Variants in GARNL3 observed in about 807,000 individuals in gnomAD.
The protein encoded by GARNL3 is GTPase-activating Rap/Ran-GAP domain-like protein 3.
Under a neutral mutation model 125.0 loss-of-function variants are expected in GARNL3, and 63 were observed. The observed-to-expected ratio is 0.50, with a 90% CI of 0.41 to 0.62. GARNL3 has a LOEUF of 0.62. GARNL3 is among the 20% of genes least tolerant of loss of function. The pLI, the probability that GARNL3 is intolerant of heterozygous loss-of-function variation, is 0.00. For missense variants in GARNL3, 994 were observed against 1,244.0 expected, an observed-to-expected ratio of 0.80 and a Z score of 3.02; for synonymous variants, 439 against 457.5, an observed-to-expected ratio of 0.96 and a Z score of 0.52.
At chr9:127,383,570 C>G in intron 23 of GARNL3, 25 bp downstream of exon 23, 1 of 1,460,196 alleles carries the variant, frequency 6.8e-7, no homozygotes, top group Non-Finnish European at 9.5e-7. Context: ...TATCATAATG[C>G]TTTTCTCCTT....
intron 1 of GARNL3, among the ~76,000 whole-genome samples, chr9:127,283,852 G>A (rs952253203): frequency 5.3e-5 from 8 of 152,166 alleles, no homozygotes; most frequent in East Asian, 1.9e-4. Context: ...TCCTGGACAC[G>A]GTCTTCCTCA....
chr9:127,311,530 T>C (rs1420675845), intron 2 of GARNL3, 106 bp from the exon 3 acceptor site: 2 of 771,960 alleles, frequency 2.6e-6, no homozygotes, highest in Non-Finnish European at 4.5e-6. Flanking sequence ...CTTGGGTGTA[T>C]GCTTTTAACA....
chr9:127,298,860 C>A (rs2064690277), intron 2 of GARNL3, among the ~76,000 whole-genome samples: 1 of 152,160 alleles, frequency 6.6e-6, no homozygotes, highest in African/African-American at 2.4e-5. Context: ...TCTCACCTAT[C>A]TCAAGATTAT....
intron 15 of GARNL3, 73 bp downstream of exon 15, chr9:127,344,412 G>A: frequency 1.0e-6 from 1 of 996,858 alleles, no homozygotes; most frequent in Non-Finnish European, 1.6e-6. Flanking sequence ...TGGCCCATGT[G>A]CAAAGACTTT....
At chr9:127,337,192 A>G (rs1829600025) in intron 11 of GARNL3, among the ~76,000 whole-genome samples, 1 of 152,174 alleles carries the variant, frequency 6.6e-6, no homozygotes, top group Non-Finnish European at 1.5e-5. Flanking sequence ...CTTTCTGAGT[A>G]ATATCTGCCC....
At chr9:127,380,043 G>C (rs905201433) in intron 22 of GARNL3, among the ~76,000 whole-genome samples, 1 of 152,126 alleles carries the variant, frequency 6.6e-6, no homozygotes, top group Non-Finnish European at 1.5e-5. Context: ...AGCCAGGCGT[G>C]GTGGGGCACG....
chr9:127,354,469 C>CTG (rs989341705), intron 19 of GARNL3, 59 bp downstream of exon 19: 15 of 977,732 alleles, frequency 1.5e-5, no homozygotes, highest in Non-Finnish European at 2.4e-5. Context: ...TCAGGCTGCC[C>CTG]AGGTTTTACT....
chr9:127,315,568 G>A (rs1210421568), intron 4 of GARNL3, among the ~76,000 whole-genome samples: 4 of 151,888 alleles, frequency 2.6e-5, no homozygotes, highest in African/African-American at 9.7e-5. Flanking sequence ...TTGAGTCCAG[G>A]AGTTCAAGGC....
chr9:127,270,201 G>T (rs1226346337), intron 1 of GARNL3, among the ~76,000 whole-genome samples: 2 of 152,100 alleles, frequency 1.3e-5, no homozygotes, highest in Non-Finnish European at 2.9e-5. Flanking sequence ...CTATTGAATG[G>T]CCTGGTACCC....
chr9:127,295,359 T>A (rs1391756183), intron 2 of GARNL3, among the ~76,000 whole-genome samples: 3 of 152,248 alleles, frequency 2.0e-5, no homozygotes, highest in Non-Finnish European at 2.9e-5. Context: ...CATGAGTTCC[T>A]GCATCAGCTT....
chr9:127,319,957 A>G (rs1292483254), intron 5 of GARNL3, among the ~76,000 whole-genome samples: 3 of 152,234 alleles, frequency 2.0e-5, no homozygotes, highest in Non-Finnish European at 2.9e-5. Flanking sequence ...CTGCCAGCAG[A>G]GAAAAGATTT....
In GARNL3 at chr9:127,357,223, T is replaced by G; in HGVS notation, c.1940T>G (p.Ile647Ser). 1.2e-6 allele frequency: 2 copies of G among 1,614,132 alleles called. No individual in the cohort carries two copies. Among genetic ancestry groups the G allele is most frequent in the Non-Finnish European group, 1.7e-6 (2 of 1,179,998 alleles). The stretch of plus-strand genomic sequence containing the variant: ...GTATCCTCACCAACCACACAGGAGA[T>G]CTGTCTGTCTGACTCTCCCATGGTG... The part of the protein sequence containing the change: ...PVEEFQYIRE[I>S]CLSDSPMVMT... The change falls in exon 21 of 28, where the codon ATC becomes AGC. Residue 647 changes from isoleucine (I) to serine (S), a missense_variant. Transcript: ENST00000373387.
chr9:127,393,053 G>T lies in GARNL3; in HGVS notation c.2871-30G>T, dbSNP rs1832952211. 1.3e-6 allele frequency: 2 copies of T among 1,560,228 alleles called. No homozygotes were observed. Among genetic ancestry groups the T allele is most frequent in the African/African-American group, 2.7e-5 (2 of 73,322 alleles). ...GGCCCAGTTCTGTGGTACTCCCAAA[G>T]ATCCTCTTACAGTGACTTTTCTCTT... On this transcript the variant is annotated intron_variant, in intron 27 of 27. Coordinates refer to ENST00000373387, the MANE Select transcript of GARNL3 (RefSeq NM_032293.5).
intron 2 of GARNL3, 151 bp from the exon 3 acceptor site, chr9:127,311,485 G>A: frequency 1.7e-6 from 1 of 588,700 alleles, no homozygotes; most frequent in South Asian, 2.0e-5. Flanking sequence ...ATTTAGACTG[G>A]GTGTCTTTTC....
At chr9:127,378,695 A>G (rs1051024552) in intron 22 of GARNL3, among the ~76,000 whole-genome samples, 12 of 152,278 alleles carry the variant, frequency 7.9e-5, no homozygotes, top group Middle Eastern at 3.4e-3. Flanking sequence ...CCCAATAAGC[A>G]TTGTTAAAAG....
At chr9:127,352,951 G>A (rs552333100) in intron 17 of GARNL3, among the ~76,000 whole-genome samples, 6 of 152,222 alleles carry the variant, frequency 3.9e-5, no homozygotes, top group African/African-American at 1.2e-4. Context: ...CCACCATCCC[G>A]GACACCTCTG....
chr9:127,370,593 A>G (rs1475175378), intron 22 of GARNL3, among the ~76,000 whole-genome samples: 1 of 152,196 alleles, frequency 6.6e-6, no homozygotes, highest in Non-Finnish European at 1.5e-5. Context: ...TCAGAGAGCC[A>G]TATCAGAGGC....
At chr9:127,263,466 G>A (rs1182178625), upstream of GARNL3, among the ~76,000 whole-genome samples, 5 of 152,152 alleles carry the variant, frequency 3.3e-5, no homozygotes, top group African/African-American at 4.8e-5. Flanking sequence ...CAAGTCCACC[G>A]GCACTCCTCT....
At position 127,385,188 on chromosome 9, in the gene GARNL3, C is replaced by A; in HGVS notation, c.2388+43C>A. On this transcript the variant is annotated intron_variant, in intron 24 of 27. Transcript: ENST00000373387. The surrounding 1 kb of genome is among the most constrained non-coding windows in gnomAD (Gnocchi z 4.1). Reference sequence around the variant, plus strand: ...TTTATCTCTGAGTGGTTTGGGGGACCCCGGCACTGTGGGATTTCAGGTGAG... The same window carrying A: ...TTTATCTCTGAGTGGTTTGGGGGACACCGGCACTGTGGGATTTCAGGTGAG... The A allele has an allele frequency of 7.9e-7, 1 of 1,266,690 alleles. No individual in the cohort carries two copies. Among genetic ancestry groups the A allele is most frequent in the Non-Finnish European group, 1.1e-6 (1 of 898,528 alleles). The allele number at this position is 1,266,690 out of a possible 1,614,324, so 78.5% of individuals were successfully genotyped here.
Sources: allele counts gnomAD v4.1 joint callset (sites outside exome capture counted in the v4.1 genomes callset), GRCh38; gene constraint gnomAD v4.1.1; non-coding constraint Gnocchi (gnomAD v3.1); transcripts MANE v1.5; gene names NCBI Gene and HGNC (gene_info 2026-07-23, HGNC 2026-07-21).